Variants in MAP4K3 observed in about 807,000 individuals in gnomAD.
The protein encoded by MAP4K3 is MAPK/ERK kinase kinase kinase 3.
A neutral mutation model predicts 143.5 loss-of-function variants in MAP4K3; 94 were observed. The observed-to-expected ratio is 0.65, with a 90% CI of 0.55 to 0.78. MAP4K3 has a LOEUF of 0.78. MAP4K3 is among the 30% of genes least tolerant of loss of function. The probability of loss-of-function intolerance (pLI) is 0.00; values close to 1 mark genes in which losing one functional copy is unlikely to be tolerated. For synonymous variants in MAP4K3, 416 were observed against 347.2 expected (o/e 1.20, Z -2.20); for missense variants, 1,077 against 1,068.1 (o/e 1.01, Z -0.12).
intron 2 of MAP4K3, among the ~76,000 whole-genome samples, chr2:39,360,813 C>G (rs1456071502): frequency 2.6e-5 from 4 of 152,138 alleles, no homozygotes; most frequent in South Asian, 2.1e-4. Flanking sequence ...ACGAGAACAG[C>G]AGCAGGGGGT....
At chr2:39,262,517 G>T (rs1055219990) in intron 28 of MAP4K3, among the ~76,000 whole-genome samples, 6 of 151,982 alleles carry the variant, frequency 3.9e-5, no homozygotes, top group Non-Finnish European at 8.8e-5. Flanking sequence ...TCTGATTAAA[G>T]ACGCATCTTT....
At chr2:39,402,603 T>C (rs1250704844) in intron 1 of MAP4K3, among the ~76,000 whole-genome samples, 1 of 151,838 alleles carries the variant, frequency 6.6e-6, no homozygotes, top group East Asian at 1.9e-4. Context: ...GTAAAGCAAA[T>C]GGCCAATGAA....
In MAP4K3 at chr2:39,288,117, T is replaced by C; in HGVS notation, c.1474+4A>G. The C allele has an allele frequency of 6.2e-7, 1 of 1,613,878 alleles. No homozygotes were observed. The highest frequency in any genetic ancestry group is 8.5e-7 in the Non-Finnish European group (1 of 1,179,908). ...ACATATTTGCTGTCACCCTCCACCA[T>C]TACCTAAGGCAACAGGTTTGTGTGG... On this transcript the variant is annotated splice_donor_region_variant and intron_variant, in intron 20 of 33. Transcript: ENST00000263881.
Position 39,278,465 on chromosome 2 carries a change from G to C in MAP4K3, c.1736C>G (p.Ala579Gly). ...ATTGAGGGTATAAATCCCTTCTTCG[G>C]CACCAAATATCAAGTACTGATCTGA... ...DTRDQYLIFG[A>G]EEGIYTLNLN... Residue 579 changes from alanine to glycine, a missense_variant, in exon 24 of 34, where the codon GCC becomes GGC. This residue lies in a region of MAP4K3 where 864 missense variants were observed against 801.2 expected (regional missense o/e 1.08). Coordinates refer to ENST00000263881, the MANE Select transcript of MAP4K3 (RefSeq NM_003618.4). 6.3e-7 allele frequency: 1 copy of C among 1,595,022 alleles called. No homozygotes were observed. Among genetic ancestry groups the C allele is most frequent in the Non-Finnish European group, 8.6e-7 (1 of 1,168,670 alleles).
chr2:39,413,833 T>G (rs1248840651), intron 1 of MAP4K3, among the ~76,000 whole-genome samples: 1 of 151,916 alleles, frequency 6.6e-6, no homozygotes, highest in East Asian at 1.9e-4. Flanking sequence ...TTTGGATCAT[T>G]TTGTCACTCA....
intron 1 of MAP4K3, among the ~76,000 whole-genome samples, chr2:39,406,573 G>A (rs1572496549): frequency 6.6e-6 from 1 of 151,828 alleles, no homozygotes; most frequent in Non-Finnish European, 1.5e-5. Flanking sequence ...AGAGGGGAAA[G>A]GCATAAAGTG....
At position 39,333,961 on chromosome 2, in the gene MAP4K3, T is replaced by TTGTGTGTGTGTG. The variant is rs60361690; in HGVS notation, c.415-399_415-388dup. 1.0e-3 allele frequency among the ~76,000 whole-genome samples: 144 copies of TTGTGTGTGTGTG among 144,140 alleles called. 1 individual carries two copies. The highest frequency in any genetic ancestry group is 1.4e-3 in the Admixed American group (20 of 14,270). The allele number at this position is 144,140 out of a possible 152,430, so 94.6% of individuals were successfully genotyped here. ...TAAACTTGATTATTGTTTCCCATTT[T>TTGTGTGTGTGTG]TGTGTGTGTGTGTGTGTGTGTGTGT... is the stretch of plus-strand genomic sequence containing the variant. On this transcript the variant is annotated intron_variant, in intron 6 of 33. Transcript: ENST00000263881.
intron 2 of MAP4K3, among the ~76,000 whole-genome samples, chr2:39,366,043 G>A (rs1665913049): frequency 1.3e-5 from 2 of 152,136 alleles, no homozygotes; most frequent in Admixed American, 6.5e-5. Context: ...TCAGTTGTTC[G>A]TGAAAGGAGT....
chr2:39,359,146 G>A (rs1665693816), intron 2 of MAP4K3, among the ~76,000 whole-genome samples: 1 of 152,172 alleles, frequency 6.6e-6, no homozygotes, highest in Admixed American at 6.5e-5. Context: ...GGTGGTACAG[G>A]CATTGGGTAA....
At chr2:39,297,253 G>A (rs901727906) in intron 16 of MAP4K3, among the ~76,000 whole-genome samples, 17 of 151,980 alleles carry the variant, frequency 1.1e-4, no homozygotes, top group Non-Finnish European at 2.4e-4. Context: ...GAGTAGCTGG[G>A]ACCTCAGGCG....
intron 28 of MAP4K3, 126 bp downstream of exon 28, chr2:39,265,077 C>A (rs977590067): frequency 5.6e-6 from 4 of 708,796 alleles, no homozygotes; most frequent in African/African-American, 5.4e-5. Context: ...ATTTTTACAA[C>A]CCTGCCACAT....
At position 39,326,210 on chromosome 2, in the gene MAP4K3, C is replaced by A. The variant is rs35957290; in HGVS notation, c.598G>T (p.Val200Leu). The change falls in exon 9 of 34, where the codon GTG becomes TTG. Residue 200 changes from valine to leucine, a missense_variant. This residue lies in a region of MAP4K3 where 213 missense variants were observed against 266.8 expected (regional missense o/e 0.80). Coordinates refer to ENST00000263881, the MANE Select transcript of MAP4K3 (RefSeq NM_003618.4). ...GCAAGTTCTATGGCAGTGATTCCCA[C>A]TGCCCAGAGATCACAGAGTTGATTG... The part of the protein sequence containing the change: ...GYNQLCDLWA[V>L]GITAIELAEL... 4.9e-3 allele frequency: 7,837 copies of A among 1,614,008 alleles called. 22 individuals are homozygous for A. Among genetic ancestry groups the A allele is most frequent in the Non-Finnish European group, 6.1e-3 (7,239 of 1,179,940 alleles).
chr2:39,306,201 T>C (rs1164335162), intron 15 of MAP4K3, among the ~76,000 whole-genome samples: 4 of 152,038 alleles, frequency 2.6e-5, no homozygotes, highest in Non-Finnish European at 4.4e-5. Context: ...TATTAATAAA[T>C]ACTAGAGTCA....
intron 1 of MAP4K3, among the ~76,000 whole-genome samples, chr2:39,402,768 T>C (rs184784568): frequency 1.1e-4 from 16 of 147,040 alleles, no homozygotes; most frequent in Middle Eastern, 3.4e-3. Flanking sequence ...GATAAACTTC[T>C]AGCCAAACCA....
chr2:39,284,712 C>T (rs1397430497), intron 21 of MAP4K3, among the ~76,000 whole-genome samples: 1 of 151,234 alleles, frequency 6.6e-6, no homozygotes. Context: ...GGCGTGGTGG[C>T]GTGCACCTGT....
At position 39,283,922 on chromosome 2, in the gene MAP4K3, T is replaced by C. The variant is rs555157521; in HGVS notation, c.1588-1368A>G. 3 of 152,282 alleles carry C rather than the reference T, an allele frequency of 2.0e-5. No homozygotes were observed. The East Asian group carries it at 5.8e-4, about 29-fold the overall frequency. The allele number at this position is 152,282 out of a possible 1,614,324, so 9.4% of individuals were successfully genotyped here. Reference sequence around the variant, plus strand: ...CATCAGAATCACTTAAACAATGAGATGAAAACTAATAAAAAAGCTACTGTT... The same window carrying C: ...CATCAGAATCACTTAAACAATGAGACGAAAACTAATAAAAAAGCTACTGTT... On this transcript the variant is annotated intron_variant, in intron 21 of 33. Transcript: ENST00000263881.
At chr2:39,366,912 G>C (rs1052590506) in intron 2 of MAP4K3, among the ~76,000 whole-genome samples, 2 of 152,102 alleles carry the variant, frequency 1.3e-5, no homozygotes, top group Non-Finnish European at 2.9e-5. Flanking sequence ...TTGAATTTTT[G>C]AAGAAATATT....
At chr2:39,429,801 C>T (rs1665228899) in intron 1 of MAP4K3, among the ~76,000 whole-genome samples, 1 of 152,124 alleles carries the variant, frequency 6.6e-6, no homozygotes, top group Non-Finnish European at 1.5e-5. Flanking sequence ...ACCCACTCTG[C>T]CTAATTTCAA....
intron 2 of MAP4K3, among the ~76,000 whole-genome samples, chr2:39,370,033 C>A (rs1666038283): frequency 6.6e-6 from 1 of 152,212 alleles, no homozygotes; most frequent in African/African-American, 2.4e-5. Context: ...ATCTCCGTAT[C>A]TTCCTTCTAA....
Sources: allele counts gnomAD v4.1 joint callset (sites outside exome capture counted in the v4.1 genomes callset), GRCh38; gene constraint gnomAD v4.1.1; regional missense constraint gnomAD v4.1.1; transcripts MANE v1.5; gene names NCBI Gene and HGNC (gene_info 2026-07-23, HGNC 2026-07-21).